Variants in VRK2 observed in about 807,000 individuals in gnomAD.
The protein encoded by VRK2 is serine/threonine-protein kinase VRK2.
Under a neutral mutation model 57.6 loss-of-function variants are expected in VRK2, and 60 were observed. That is an observed-to-expected ratio of 1.04 (90% CI 0.85 to 1.29). The LOEUF is 1.29. Ranked by LOEUF, VRK2 falls within the 50% of genes most tolerant of loss-of-function variation. The pLI is 0.00. For missense variants in VRK2, 705 were observed against 588.1 expected (o/e 1.20, Z -2.06); for synonymous variants, 231 against 199.2 (o/e 1.16, Z -1.35).
chr2:57,932,686 T>C (rs1670768194), intron 1 of VRK2, among the ~76,000 whole-genome samples: 1 of 152,160 alleles, frequency 6.6e-6, no homozygotes, highest in Non-Finnish European at 1.5e-5. Context: ...ACGTGATTTA[T>C]TTCTGCTCTA....
chr2:57,967,558 GA>G (rs952608448), intron 1 of VRK2, among the ~76,000 whole-genome samples: 3 of 151,686 alleles, frequency 2.0e-5, no homozygotes, highest in Non-Finnish European at 2.9e-5. Context: ...AATAAATCAA[GA>G]AAATAAAAAT....
At chr2:58,004,817 A>C (rs1673195207) in intron 1 of VRK2, among the ~76,000 whole-genome samples, 1 of 152,316 alleles carries the variant, frequency 6.6e-6, no homozygotes, top group South Asian at 2.1e-4. Context: ...GTGAAATATC[A>C]AAAAATCCTG....
chr2:58,125,613 G>GT (rs139859337), intron 8 of VRK2, among the ~76,000 whole-genome samples: 5,437 of 151,806 alleles, frequency 0.036, 333 homozygotes, highest in African/African-American at 0.12. Flanking sequence ...TTTATCAAAG[G>GT]TTTTACCAGA....
chr2:58,095,926 G>A (rs1673067433), intron 7 of VRK2, among the ~76,000 whole-genome samples: 1 of 152,118 alleles, frequency 6.6e-6, no homozygotes, highest in Admixed American at 6.6e-5. Flanking sequence ...GTGTGAATAT[G>A]AGTGTGTGTG....
intron 1 of VRK2, among the ~76,000 whole-genome samples, chr2:57,918,967 A>C (rs1172304331): frequency 6.6e-6 from 1 of 152,136 alleles, no homozygotes; most frequent in Non-Finnish European, 1.5e-5. Flanking sequence ...AAAATATCCA[A>C]TTTTAAAAGT....
At chr2:57,922,060 T>C (rs1424168297) in intron 1 of VRK2, among the ~76,000 whole-genome samples, 1 of 152,048 alleles carries the variant, frequency 6.6e-6, no homozygotes, top group Non-Finnish European at 1.5e-5. Context: ...GAATTTCTTA[T>C]ATACAATACA....
intron 3 of VRK2, among the ~76,000 whole-genome samples, chr2:58,040,767 A>C (rs970460616): frequency 6.6e-6 from 1 of 152,166 alleles, no homozygotes; most frequent in Admixed American, 6.5e-5. Context: ...TACCAACCAA[A>C]AGGTTCACAG....
chr2:58,019,447 G>T (rs1031380116), intron 1 of VRK2, among the ~76,000 whole-genome samples: 3 of 152,154 alleles, frequency 2.0e-5, no homozygotes, highest in Admixed American at 2.0e-4. Context: ...ATAGACAAGT[G>T]AGACAATTGT....
chr2:58,007,217 CCT>C (rs34855177), intron 1 of VRK2, among the ~76,000 whole-genome samples: 354 of 140,586 alleles, frequency 2.5e-3, no homozygotes, highest in Middle Eastern at 7.3e-3. Flanking sequence ...TCTCTCTCTC[CCT>C]CTCTCTCTCT....
At chr2:58,103,999 A>C (rs1674390033) in intron 7 of VRK2, among the ~76,000 whole-genome samples, 1 of 151,848 alleles carries the variant, frequency 6.6e-6, no homozygotes, top group African/African-American at 2.4e-5. Context: ...CATGCAGAAA[A>C]AAAGCATGTG....
chr2:58,041,626 C>A (rs1674460064), intron 3 of VRK2, among the ~76,000 whole-genome samples: 1 of 152,194 alleles, frequency 6.6e-6, no homozygotes, highest in Non-Finnish European at 1.5e-5. Flanking sequence ...TGCAAACATT[C>A]TCTTGTGGAA....
chr2:58,081,857 C>CGCGT (rs1553398168), intron 2 of VRK2, among the ~76,000 whole-genome samples: 1 of 142,122 alleles, frequency 7.0e-6, no homozygotes, highest in African/African-American at 2.6e-5. Context: ...ATACCATGTC[C>CGCGT]GTGTGTGTGT....
chr2:57,993,544 G>A (rs1326211251), intron 1 of VRK2, among the ~76,000 whole-genome samples: 3 of 151,730 alleles, frequency 2.0e-5, no homozygotes, highest in Non-Finnish European at 4.4e-5. Context: ...AAATCGCATT[G>A]CACATGAGCC....
At chr2:57,916,668 T>G (rs928547459) in intron 1 of VRK2, among the ~76,000 whole-genome samples, 6 of 152,210 alleles carry the variant, frequency 3.9e-5, no homozygotes, top group African/African-American at 1.4e-4. Context: ...AGGAAACTAA[T>G]GCTTAGCTAA....
chr2:57,955,516 A>G (rs1671561198), intron 1 of VRK2, among the ~76,000 whole-genome samples: 1 of 152,184 alleles, frequency 6.6e-6, no homozygotes, highest in African/African-American at 2.4e-5. Context: ...ACACATATGG[A>G]ATATAATTGA....
chr2:58,088,478 C>A (rs1671941098), intron 6 of VRK2, 32 bp downstream of exon 6: 3 of 1,465,402 alleles, frequency 2.0e-6, no homozygotes, highest in African/African-American at 2.8e-5. Context: ...TGCTCCATTT[C>A]CAAATTGTTT....
At chr2:57,971,489 A>G (rs1174262866) in intron 1 of VRK2, among the ~76,000 whole-genome samples, 2 of 151,938 alleles carry the variant, frequency 1.3e-5, no homozygotes, top group African/African-American at 4.8e-5. Context: ...GGATCAACCC[A>G]TCTTGCAAGC....
intron 2 of VRK2, among the ~76,000 whole-genome samples, chr2:58,074,018 G>C (rs766859924): frequency 6.6e-6 from 1 of 151,996 alleles, no homozygotes; most frequent in Admixed American, 6.6e-5. Context: ...GACAGGTCCC[G>C]GATAAATACT....
intron 1 of VRK2, among the ~76,000 whole-genome samples, chr2:57,939,254 T>C (rs981503700): frequency 6.6e-6 from 1 of 152,210 alleles, no homozygotes; most frequent in Non-Finnish European, 1.5e-5. Flanking sequence ...CATTTTCCAT[T>C]AGTGATTTCC....
Sources: allele counts gnomAD v4.1 joint callset (sites outside exome capture counted in the v4.1 genomes callset), GRCh38; gene constraint gnomAD v4.1.1; transcripts MANE v1.5; gene names NCBI Gene and HGNC (gene_info 2026-07-23, HGNC 2026-07-21).